CDK12: variants seen among roughly 807,000 people sequenced by gnomAD.
CDK12 encodes the protein cyclin-dependent kinase 12.
A neutral mutation model predicts 133.8 loss-of-function variants in CDK12; 17 were observed. The observed-to-expected ratio is 0.13, with a 90% CI of 0.09 to 0.19. The LOEUF (loss-of-function observed/expected upper bound fraction) is 0.19, where lower values mean the gene tolerates loss of function less well. Ranked by LOEUF, CDK12 falls within the 10% of genes least tolerant of loss-of-function variation. The probability of loss-of-function intolerance (pLI) is 1.00; values close to 1 mark genes in which losing one functional copy is unlikely to be tolerated. For missense variants in CDK12, 1,508 were observed against 1,818.7 expected (o/e 0.83, Z 3.11); for synonymous variants, 694 against 683.6 (o/e 1.02, Z -0.24).
chr17:39,539,052 G>A (rs960740893), downstream of CDK12, among the ~76,000 whole-genome samples: 2 of 152,084 alleles, frequency 1.3e-5, no homozygotes, highest in African/African-American at 4.8e-5. Flanking sequence ...GAAGTAAAGA[G>A]TCAGCATTTG....
chr17:39,469,155 GA>G (rs779340964), intron 1 of CDK12, among the ~76,000 whole-genome samples: 2 of 152,250 alleles, frequency 1.3e-5, no homozygotes, highest in East Asian at 1.9e-4. Context: ...GTCACACATT[GA>G]GGCCTTAGCA....
chr17:39,496,132 G>A (rs8077658), intron 5 of CDK12, among the ~76,000 whole-genome samples: 12 of 151,910 alleles, frequency 7.9e-5, no homozygotes, highest in South Asian at 2.1e-4. Context: ...GGCTGGTTTC[G>A]AACTCCTGAC....
rs79860652 is a variant in CDK12, at chr17:39,559,533, T to C, written n.484+3120T>C. ...CTTAACCCTTGACACCACTAATCTG[T>C]CTTCTAAAATTTCGTAGTTTCAAAA... On this transcript the variant is annotated intron_variant and non_coding_transcript_variant, in intron 3 of 3. Coordinates refer to the CDK12 transcript ENST00000558240. Among the ~76,000 whole-genome samples, 1,037 of 152,310 alleles carry C rather than the reference T, an allele frequency of 6.8e-3. 7 individuals carry two copies. The highest frequency in any genetic ancestry group is 0.011 in the South Asian group (54 of 4,832).
chr17:39,523,317 A>T (rs2054295429), intron 11 of CDK12, among the ~76,000 whole-genome samples: 1 of 152,076 alleles, frequency 6.6e-6, no homozygotes. Flanking sequence ...CTACTAAAAA[A>T]TACAAAAATT....
Position 39,462,180 on chromosome 17 carries a change from C to G in CDK12, c.109C>G (p.Arg37Gly), listed in dbSNP as rs1406991934. The change falls in exon 1 of 14, where the codon CGC (arginine) becomes GGC (glycine). Residue 37 changes from arginine to glycine, a missense_variant. Transcript: ENST00000447079. ...CAGCTCTAACAGCAGAGAGCGTCAC[C>G]GCTTGGTATCGAAGCACAAGCGGCA... ...GGSSNSRERH[R>G]LVSKHKRHKS... The G allele has an allele frequency of 1.9e-6, 3 of 1,614,202 alleles. No individual in the cohort carries two copies. Among genetic ancestry groups the G allele is most frequent in the Admixed American group, 1.7e-5 (1 of 60,022 alleles).
At chr17:39,523,319 A>G (rs1382130905) in intron 11 of CDK12, among the ~76,000 whole-genome samples, 1 of 152,054 alleles carries the variant, frequency 6.6e-6, no homozygotes, top group Non-Finnish European at 1.5e-5. Context: ...ACTAAAAAAT[A>G]CAAAAATTAG....
downstream of CDK12, among the ~76,000 whole-genome samples, chr17:39,536,353 C>T (rs189320710): frequency 1.9e-4 from 29 of 152,288 alleles, no homozygotes; most frequent in Middle Eastern, 0.01. Flanking sequence ...CTATCTGGAT[C>T]CTCAACCTAC....
chr17:39,531,260 CG>C lies in CDK12; in HGVS notation c.4422del (p.Pro1475LeufsTer24). On this transcript the variant is annotated frameshift_variant, in exon 14 of 14. Coordinates refer to ENST00000447079, the MANE Select transcript of CDK12 (RefSeq NM_016507.4). LOFTEE classifies it high-confidence loss of function. ...TQSSAYGKLY[R>X]GPTRVPPRGG... ...GTCTTCTGCTTATGGAAAACTCTATCGGGGGCCTACAAGAGTCCCACCAAGA... is the reference window on the plus strand; with the variant it reads ...GTCTTCTGCTTATGGAAAACTCTATCGGGGCCTACAAGAGTCCCACCAAGA... The C allele has an allele frequency of 6.6e-7, 1 of 1,509,790 alleles. No homozygotes were observed. The highest frequency in any genetic ancestry group is 2.4e-5 in the Admixed American group (1 of 42,444). 93.5% of individuals were successfully genotyped at this position (1,509,790 alleles called of 1,614,324 possible).
At chr17:39,503,098 G>A (rs1255005437) in intron 6 of CDK12, among the ~76,000 whole-genome samples, 3 of 152,082 alleles carry the variant, frequency 2.0e-5, no homozygotes, top group African/African-American at 7.2e-5. Flanking sequence ...AATAATCTTA[G>A]ACTGAGTCTC....
downstream of CDK12, among the ~76,000 whole-genome samples, chr17:39,536,149 T>TA (rs2055124537): frequency 6.6e-6 from 1 of 152,134 alleles, no homozygotes. Flanking sequence ...TGGTACTCCT[T>TA]ACTGTACGCA....
At chr17:39,566,404 G>C (rs1358290491), downstream of CDK12, among the ~76,000 whole-genome samples, 1 of 152,142 alleles carries the variant, frequency 6.6e-6, no homozygotes, top group Non-Finnish European at 1.5e-5. Context: ...GGAGAGTCGT[G>C]CAGTGTTGTC....
At chr17:39,469,105 C>T (rs1311253343) in intron 1 of CDK12, among the ~76,000 whole-genome samples, 2 of 152,196 alleles carry the variant, frequency 1.3e-5, no homozygotes, top group African/African-American at 4.8e-5. Flanking sequence ...GGATTACAGG[C>T]GTGAGCCACA....
chr17:39,508,504 C>A (rs1415445818), intron 6 of CDK12, among the ~76,000 whole-genome samples: 1 of 152,090 alleles, frequency 6.6e-6, no homozygotes, highest in African/African-American at 2.4e-5. Context: ...TCTCGTCTTG[C>A]AGTTTTCAAA....
chr17:39,550,068 G>A (rs1376666140), upstream of CDK12: 1 of 152,126 alleles, frequency 6.6e-6, no homozygotes, highest in Non-Finnish European at 1.5e-5. Context: ...AAGGGGGGTT[G>A]AGGGGGTGGA....
rs925291523 is a variant in CDK12 at position 39,532,237 on chromosome 17, C to CT, written c.*928dup. 9.0e-5 allele frequency: 21 copies of CT among 232,130 alleles called. 1 individual carries two copies. Among genetic ancestry groups the CT allele is most frequent in the Admixed American group, 4.0e-4 (7 of 17,682 alleles). The allele number at this position is 232,130 out of a possible 1,614,324, so 14.4% of individuals were successfully genotyped here. On this transcript the variant is annotated 3_prime_UTR_variant, in exon 14 of 14. Transcript: ENST00000447079. ...CCCAAGAACCTGGGATAATTCTTTACTTTTTTTGAAATAAAGGAAAGGAAA... is the reference window on the plus strand; with the variant it reads ...CCCAAGAACCTGGGATAATTCTTTACTTTTTTTTGAAATAAAGGAAAGGAAA...
downstream of CDK12, chr17:39,535,110 C>A: frequency 6.6e-6 from 1 of 152,142 alleles, no homozygotes; most frequent in East Asian, 1.9e-4. Flanking sequence ...AAAATCTTTC[C>A]CATCTCCACC....
chr17:39,537,086 C>T (rs1021113640), downstream of CDK12, among the ~76,000 whole-genome samples: 7 of 152,120 alleles, frequency 4.6e-5, no homozygotes, highest in African/African-American at 1.7e-4. Context: ...AAGAAGTCCA[C>T]CATATAGCAG....
intron 10 of CDK12, among the ~76,000 whole-genome samples, chr17:39,519,585 CTT>C (rs36022813): frequency 1.4e-4 from 20 of 138,608 alleles, no homozygotes; most frequent in Admixed American, 2.9e-4. Context: ...ATTGCACATC[CTT>C]TTTTTTTTTT....
At chr17:39,565,942 C>CA (rs200474796), downstream of CDK12, among the ~76,000 whole-genome samples, 188 of 152,122 alleles carry the variant, frequency 1.2e-3, 4 homozygotes, top group East Asian at 0.035. Context: ...GTACAATAAC[C>CA]AAAAAATGAG....
Sources: gnomAD v4.1 joint callset for allele counts (sites outside exome capture counted in the v4.1 genomes callset) on GRCh38, gnomAD v4.1.1 for gene constraint, MANE v1.5 for transcripts, NCBI Gene and HGNC (gene_info 2026-07-23, HGNC 2026-07-21) for gene names.